Variants in INSR observed in about 807,000 individuals in gnomAD.
INSR encodes the protein insulin receptor, also known as IR.
Under a neutral mutation model 142.6 loss-of-function variants are expected in INSR, and 67 were observed. That is an observed-to-expected ratio of 0.47 (90% CI 0.39 to 0.58). INSR has a LOEUF of 0.58. INSR is among the 20% of genes least tolerant of loss of function. The probability of loss-of-function intolerance (pLI) is 0.00; values close to 1 mark genes in which losing one functional copy is unlikely to be tolerated. For missense variants in INSR, 1,248 were observed against 1,833.2 expected (o/e 0.68, Z 5.83); for synonymous variants, 756 against 743.1 (o/e 1.02, Z -0.28).
At position 7,130,298 on chromosome 19, in the gene INSR, CACA is replaced by C. The variant is rs150746709; in HGVS notation, c.2843-1347_2843-1345del. Among the ~76,000 whole-genome samples, 399 of 152,280 alleles carry C rather than the reference CACA, an allele frequency of 2.6e-3. 13 individuals are homozygous for C. The East Asian group carries it at 0.063, about 24-fold the overall frequency. On this transcript the variant is annotated intron_variant, in intron 14 of 21. Coordinates refer to ENST00000302850, the MANE Select transcript of INSR (RefSeq NM_000208.4). ...GAGGTGATTATCCTAACTGAATTAA[CACA>C]GGGACAGAAAACCAACTACCTCATG...
At chr19:7,268,301 T>C in intron 1 of INSR, 6 of 371,796 alleles carry the variant, frequency 1.6e-5, no homozygotes, top group Non-Finnish European at 2.2e-5. Flanking sequence ...CGGTCAGAAA[T>C]GGGGCAAGGA....
At chr19:7,139,164 C>T (rs1973008018) in intron 13 of INSR, among the ~76,000 whole-genome samples, 2 of 152,158 alleles carry the variant, frequency 1.3e-5, no homozygotes, top group South Asian at 2.1e-4. Context: ...AGCTGAGGCC[C>T]CAGCCATGTG....
chr19:7,186,994 C>T (rs1156688784), intron 2 of INSR, among the ~76,000 whole-genome samples: 3 of 151,430 alleles, frequency 2.0e-5, no homozygotes, highest in Non-Finnish European at 4.4e-5. Context: ...TGAGCCACTG[C>T]GCCCGACATC....
intron 13 of INSR, among the ~76,000 whole-genome samples, chr19:7,133,616 C>A (rs367643315): frequency 6.6e-6 from 1 of 152,304 alleles, no homozygotes; most frequent in South Asian, 2.1e-4. Context: ...AATCCCAATA[C>A]TTTGGGAGGC....
At chr19:7,231,206 AAG>A (rs1975962810) in intron 2 of INSR, among the ~76,000 whole-genome samples, 1 of 152,134 alleles carries the variant, frequency 6.6e-6, no homozygotes. Flanking sequence ...AAGAGGGGGG[AAG>A]AATTAATTTC....
At chr19:7,139,305 C>G (rs1211394733) in intron 13 of INSR, among the ~76,000 whole-genome samples, 1 of 152,174 alleles carries the variant, frequency 6.6e-6, no homozygotes, top group Non-Finnish European at 1.5e-5. Context: ...TGTTACGCAG[C>G]AAGAACTGAC....
chr19:7,225,394 C>T lies in INSR; in HGVS notation c.653-40757G>A, dbSNP rs1396146972. On this transcript the variant is annotated intron_variant, in intron 2 of 21. Transcript: ENST00000302850. The surrounding 1 kb of genome is among the most constrained non-coding windows in gnomAD (Gnocchi z 4.7). ...TTGAGTGCCTGACCCGCCACCCCCG[C>T]CCCACCACCAAGCCAAAATGCTTGA... Among the ~76,000 whole-genome samples the T allele has an allele frequency of 6.6e-6, 1 of 151,826 alleles. No homozygotes were observed. Among genetic ancestry groups the T allele is most frequent in the Admixed American group, 6.6e-5 (1 of 15,208 alleles).
intron 2 of INSR, among the ~76,000 whole-genome samples, chr19:7,186,771 C>T (rs997700382): frequency 1.1e-4 from 17 of 152,036 alleles, no homozygotes; most frequent in African/African-American, 3.9e-4. Flanking sequence ...GTGGCGCGAT[C>T]TCAGCTCACT....
intron 12 of INSR, among the ~76,000 whole-genome samples, chr19:7,142,261 A>G (rs1294071327): frequency 6.6e-6 from 1 of 151,300 alleles, no homozygotes; most frequent in Admixed American, 6.6e-5. Flanking sequence ...GTGGTGGCAC[A>G]CGCATGTAGT....
At chr19:7,289,547 A>G (rs1357119167) in intron 1 of INSR, among the ~76,000 whole-genome samples, 1 of 151,578 alleles carries the variant, frequency 6.6e-6, no homozygotes, top group Non-Finnish European at 1.5e-5. Flanking sequence ...CTAGGATTAC[A>G]AGGACCCGCC....
intron 1 of INSR, among the ~76,000 whole-genome samples, chr19:7,292,183 CG>C (rs1484817714): frequency 3.3e-5 from 5 of 151,932 alleles, no homozygotes; most frequent in Non-Finnish European, 1.5e-5. Context: ...CTCCTCCTCC[CG>C]GGTTCAAGCA....
intron 13 of INSR, among the ~76,000 whole-genome samples, chr19:7,137,159 T>G (rs552634318): frequency 6.6e-6 from 1 of 152,126 alleles, no homozygotes; most frequent in African/African-American, 2.4e-5. Flanking sequence ...GTGCACAATT[T>G]ATACTGTTGG....
intron 14 of INSR, among the ~76,000 whole-genome samples, chr19:7,129,342 TG>T (rs1972722609): frequency 6.6e-6 from 1 of 152,238 alleles, no homozygotes; most frequent in Non-Finnish European, 1.5e-5. Context: ...TACTTATTTT[TG>T]TGACAGAGTC....
In INSR at chr19:7,117,071, C is replaced by T. The variant is rs763796481; in HGVS notation, c.4134G>A (p.Arg1378=). 2 of 1,614,050 alleles carry T rather than the reference C, an allele frequency of 1.2e-6. No individual in the cohort carries two copies. The highest frequency in any genetic ancestry group is 1.7e-6 in the Non-Finnish European group (2 of 1,179,952). Residue 1378 remains arginine, a synonymous_variant, in exon 22 of 22, where the codon CGG becomes CGA. Transcript: ENST00000302850. ...KKNGRILTLP[R]SNPS ...GTAGGCACTGTTAGGAAGGATTGGA[C>T]CGAGGCAAGGTCAGAATCCGCCCGT...
intron 4 of INSR, among the ~76,000 whole-genome samples, chr19:7,172,925 T>C (rs988281798): frequency 6.6e-6 from 1 of 151,626 alleles, no homozygotes; most frequent in Admixed American, 6.6e-5. Flanking sequence ...ATTTTAGAGG[T>C]TGACAAATGA....
chr19:7,141,987 A>C (rs558818692), intron 12 of INSR, among the ~76,000 whole-genome samples, 171 bp from the exon 13 acceptor site: 1 of 152,162 alleles, frequency 6.6e-6, no homozygotes, highest in South Asian at 2.1e-4. Context: ...AGGAAGATTA[A>C]ATGGGTTACT....
chr19:7,135,491 C>G (rs1313580405), intron 13 of INSR, among the ~76,000 whole-genome samples: 1 of 138,136 alleles, frequency 7.2e-6, no homozygotes, highest in Non-Finnish European at 1.5e-5. Context: ...CCAGCCTGGG[C>G]AACAAAGCAA....
At chr19:7,178,484 G>C (rs1181569199) in intron 3 of INSR, among the ~76,000 whole-genome samples, 9 of 152,162 alleles carry the variant, frequency 5.9e-5, no homozygotes, top group East Asian at 1.9e-4. Flanking sequence ...ACTTTGGGAG[G>C]CTGAGGCAGG....
chr19:7,119,685 C>T lies in INSR; in HGVS notation c.3660-102G>A. 1 of 1,305,322 alleles carries T rather than the reference C, an allele frequency of 7.7e-7. No individual in the cohort carries two copies. The highest frequency in any genetic ancestry group is 1.8e-5 in the Admixed American group (1 of 56,864). 80.9% of individuals were successfully genotyped at this position (1,305,322 alleles called of 1,614,324 possible). ...ACGCAAACGCACACACACACGCAAA[C>T]ACACATGCCAACACATACATGCAAA... is the stretch of plus-strand genomic sequence containing the variant. On this transcript the variant is annotated intron_variant, in intron 20 of 21. Coordinates refer to ENST00000302850, the MANE Select transcript of INSR (RefSeq NM_000208.4). This position sits in a 1 kb window ranked among gnomAD's most constrained non-coding sequence, Gnocchi z 5.2.
Sources: allele counts gnomAD v4.1 joint callset (sites outside exome capture counted in the v4.1 genomes callset), GRCh38; gene constraint gnomAD v4.1.1; non-coding constraint Gnocchi (gnomAD v3.1); transcripts MANE v1.5; gene names NCBI Gene and HGNC (gene_info 2026-07-23, HGNC 2026-07-21).